TIAM1: variants seen among roughly 807,000 people sequenced by gnomAD.
TIAM1 encodes the protein rho guanine nucleotide exchange factor TIAM1.
In TIAM1, 65 loss-of-function variants were observed where a neutral mutation model predicts 163.5. The ratio of observed to expected loss-of-function variants is 0.40; its 90% CI spans 0.33 to 0.49. The LOEUF (loss-of-function observed/expected upper bound fraction) is 0.49. Ranked by LOEUF, TIAM1 falls within the 20% of genes least tolerant of loss-of-function variation. The pLI, the probability that TIAM1 is intolerant of heterozygous loss-of-function variation, is 0.77. For missense variants in TIAM1, 1,789 were observed against 2,044.7 expected, an observed-to-expected ratio of 0.87 and a Z score of 2.41; for synonymous variants, 833 against 810.1, an observed-to-expected ratio of 1.03 and a Z score of -0.48.
chr21:31,521,489 G>C (rs1164542301), intron 1 of TIAM1, among the ~76,000 whole-genome samples: 1 of 152,190 alleles, frequency 6.6e-6, no homozygotes, highest in African/African-American at 2.4e-5. Flanking sequence ...TAATCCCAGT[G>C]ATTTGGTAGG....
intron 2 of TIAM1, among the ~76,000 whole-genome samples, chr21:31,450,518 T>C (rs964761530): frequency 5.3e-5 from 8 of 151,974 alleles, no homozygotes; most frequent in African/African-American, 1.9e-4. Flanking sequence ...GCAGAGCACA[T>C]ACCCAAAGGA....
intron 1 of TIAM1, among the ~76,000 whole-genome samples, chr21:31,512,013 T>TC (rs941552450): frequency 6.6e-6 from 1 of 152,134 alleles, no homozygotes; most frequent in Non-Finnish European, 1.5e-5. Flanking sequence ...CCTGGGTATG[T>TC]CACACACAAA....
intron 6 of TIAM1, among the ~76,000 whole-genome samples, chr21:31,226,953 T>C (rs796747606): frequency 2.2e-4 from 18 of 80,764 alleles, no homozygotes; most frequent in Non-Finnish European, 3.1e-4. Context: ...AAATTCTGTG[T>C]TTTTTTTTTT....
intron 2 of TIAM1, among the ~76,000 whole-genome samples, chr21:31,280,849 T>C (rs1200690159): frequency 2.0e-5 from 3 of 151,906 alleles, no homozygotes; most frequent in Admixed American, 6.6e-5. Context: ...ACACAGTGGC[T>C]CATGCCTGTA....
chr21:31,412,956 G>A (rs1021900788), intron 2 of TIAM1, among the ~76,000 whole-genome samples: 13 of 152,150 alleles, frequency 8.5e-5, no homozygotes, highest in South Asian at 2.1e-4. Context: ...TGCGTGGCCT[G>A]GTTCCTAACA....
At chr21:31,534,888 T>C (rs778320275) in intron 1 of TIAM1, among the ~76,000 whole-genome samples, 20 of 152,272 alleles carry the variant, frequency 1.3e-4, no homozygotes, top group Non-Finnish European at 2.6e-4. Context: ...GGAGGATTAC[T>C]GAGCCCAGGA....
intron 2 of TIAM1, among the ~76,000 whole-genome samples, chr21:31,291,500 T>C (rs995149631): frequency 6.6e-6 from 1 of 152,068 alleles, no homozygotes; most frequent in African/African-American, 2.4e-5. Flanking sequence ...TCCCTCAAAT[T>C]CCATGCCTTT....
chr21:31,294,627 G>A (rs1003864144), intron 2 of TIAM1, among the ~76,000 whole-genome samples: 4 of 152,164 alleles, frequency 2.6e-5, no homozygotes, highest in Admixed American at 6.5e-5. Flanking sequence ...AAAGAGAGCC[G>A]TTGGGTATGG....
intron 7 of TIAM1, among the ~76,000 whole-genome samples, chr21:31,225,220 G>C (rs1194845965): frequency 6.6e-6 from 1 of 152,036 alleles, no homozygotes. Flanking sequence ...GGCTGGTCTT[G>C]AAATCCTGGG....
chr21:31,208,102 G>C (rs2086546666), intron 11 of TIAM1, among the ~76,000 whole-genome samples: 1 of 152,196 alleles, frequency 6.6e-6, no homozygotes, highest in Non-Finnish European at 1.5e-5. Context: ...ACATTATCTA[G>C]ATATGGTCTC....
intron 14 of TIAM1, among the ~76,000 whole-genome samples, chr21:31,182,938 C>T (rs967473279): frequency 5.3e-5 from 8 of 152,184 alleles, no homozygotes; most frequent in Admixed American, 3.3e-4. Flanking sequence ...CTCACAAATG[C>T]TAATTAATTC....
At chr21:31,426,587 T>C (rs1306766806) in intron 2 of TIAM1, among the ~76,000 whole-genome samples, 1 of 152,198 alleles carries the variant, frequency 6.6e-6, no homozygotes, top group Non-Finnish European at 1.5e-5. Context: ...TGTGGTCTAA[T>C]AACTGATTCA....
chr21:31,405,552 A>C (rs1471182400), intron 2 of TIAM1, among the ~76,000 whole-genome samples: 2 of 152,330 alleles, frequency 1.3e-5, no homozygotes, highest in East Asian at 3.9e-4. Context: ...TGGACTTAAC[A>C]GTTCCACATG....
intron 3 of TIAM1, among the ~76,000 whole-genome samples, chr21:31,269,675 T>G (rs573777374): frequency 5.1e-4 from 76 of 149,348 alleles, no homozygotes; most frequent in East Asian, 3.7e-3. Context: ...TTGTTTGTTT[T>G]TTTTTTTTTT....
At chr21:31,188,785 G>A (rs150449487) in intron 13 of TIAM1, among the ~76,000 whole-genome samples, 5,341 of 152,002 alleles carry the variant, frequency 0.035, 347 homozygotes, top group African/African-American at 0.12. Context: ...TGTTGCCCAG[G>A]CTGGTCTCAA....
At chr21:31,373,350 G>C (rs2076631024) in intron 2 of TIAM1, among the ~76,000 whole-genome samples, 1 of 152,034 alleles carries the variant, frequency 6.6e-6, no homozygotes, top group Admixed American at 6.6e-5. Context: ...AGACATACCC[G>C]AAACTGGGAA....
chr21:31,259,983 G>C (rs2072362937), intron 4 of TIAM1, among the ~76,000 whole-genome samples: 1 of 151,700 alleles, frequency 6.6e-6, no homozygotes, highest in African/African-American at 2.4e-5. Flanking sequence ...CTGTCACCCA[G>C]GCTGGAGTGC....
At chr21:31,450,992 TC>T (rs2044815401) in intron 2 of TIAM1, among the ~76,000 whole-genome samples, 1 of 151,538 alleles carries the variant, frequency 6.6e-6, no homozygotes, top group Non-Finnish European at 1.5e-5. Context: ...CTTGTGGGCT[TC>T]AGACATCATT....
chr21:31,365,854 G>A (rs1283428167), intron 2 of TIAM1, among the ~76,000 whole-genome samples: 1 of 151,688 alleles, frequency 6.6e-6, no homozygotes, highest in Non-Finnish European at 1.5e-5. Flanking sequence ...TGTAATCCCG[G>A]CACTTTGGAA....
Sources: allele counts gnomAD v4.1 joint callset (sites outside exome capture counted in the v4.1 genomes callset), GRCh38; gene constraint gnomAD v4.1.1; transcripts MANE v1.5; gene names NCBI Gene and HGNC (gene_info 2026-07-23, HGNC 2026-07-21).